The following MDGA2 variants were observed in gnomAD, a reference collection of about 807,000 sequenced individuals.
MDGA2 encodes MAM domain containing glycosylphosphatidylinositol anchor 2.
Under a neutral mutation model 117.8 loss-of-function variants are expected in MDGA2, and 40 were observed. The observed-to-expected ratio is 0.34, with a 90% CI of 0.26 to 0.44. The LOEUF (loss-of-function observed/expected upper bound fraction) is 0.44, where lower values mean the gene tolerates loss of function less well. Among genes scored for constraint, MDGA2 ranks in the 20% least tolerant of loss-of-function variants. The pLI is 1.00. For missense variants in MDGA2, 1,123 were observed against 1,250.6 expected (o/e 0.90, Z 1.54); for synonymous variants, 452 against 439.0 (o/e 1.03, Z -0.37).
rs553528389 is a variant in MDGA2 at position 47,565,069 on chromosome 14, G to T, written c.280+109448C>A. On this transcript the variant is annotated intron_variant, in intron 1 of 16. Transcript: ENST00000399232. ...GGGTTTCAACTCTTTCCTGGATGTTGATTATCTTTGCTCCTATCTGTATTC... is the reference window on the plus strand; with the variant it reads ...GGGTTTCAACTCTTTCCTGGATGTTTATTATCTTTGCTCCTATCTGTATTC... Among the ~76,000 whole-genome samples the T allele has an allele frequency of 4.0e-5, 6 of 151,874 alleles. No individual in the cohort carries two copies. The South Asian group carries it at 1.2e-3, about 32-fold the overall frequency.
chr14:47,419,074 C>T (rs2138502951), intron 1 of MDGA2, among the ~76,000 whole-genome samples: 1 of 152,230 alleles, frequency 6.6e-6, no homozygotes, highest in Admixed American at 6.5e-5. Flanking sequence ...CAACTCTGAG[C>T]AAGTCATTCA....
intron 1 of MDGA2, among the ~76,000 whole-genome samples, chr14:47,543,631 A>G (rs1895397249): frequency 6.6e-6 from 1 of 152,236 alleles, no homozygotes; most frequent in Admixed American, 6.5e-5. Context: ...CTTCAAATGA[A>G]TATACTCAGA....
intron 2 of MDGA2, among the ~76,000 whole-genome samples, chr14:47,280,140 C>T (rs1888429920): frequency 2.0e-5 from 3 of 151,670 alleles, no homozygotes; most frequent in Admixed American, 2.0e-4. Flanking sequence ...CATGGAGAAA[C>T]CCCGTCTCTA....
intron 8 of MDGA2, among the ~76,000 whole-genome samples, chr14:47,022,854 C>T (rs1888334390): frequency 6.6e-6 from 1 of 152,054 alleles, no homozygotes; most frequent in African/African-American, 2.4e-5. Flanking sequence ...GTAGGGAATG[C>T]TATTTGCCAG....
intron 1 of MDGA2, among the ~76,000 whole-genome samples, chr14:47,434,822 G>GT (rs1250307580): frequency 6.6e-6 from 1 of 152,104 alleles, no homozygotes; most frequent in Admixed American, 6.6e-5. Context: ...CAAGATGGTG[G>GT]TTTATAATGC....
intron 2 of MDGA2, among the ~76,000 whole-genome samples, chr14:47,270,123 G>A (rs1445779795): frequency 2.0e-5 from 3 of 152,158 alleles, no homozygotes; most frequent in Non-Finnish European, 2.9e-5. Flanking sequence ...TTAAGATGCT[G>A]TTTGAAGGAG....
intron 2 of MDGA2, among the ~76,000 whole-genome samples, chr14:47,271,472 T>C (rs1231288233): frequency 6.6e-6 from 1 of 152,158 alleles, no homozygotes; most frequent in Non-Finnish European, 1.5e-5. Context: ...ATATTCACTC[T>C]GCAGCAGAGA....
At chr14:47,206,408 G>A (rs1033859908) in intron 3 of MDGA2, among the ~76,000 whole-genome samples, 1 of 151,610 alleles carries the variant, frequency 6.6e-6, no homozygotes, top group African/African-American at 2.4e-5. Flanking sequence ...CTGGTTAACA[G>A]AGTGAGACCT....
chr14:47,109,528 C>T (rs1341951816), intron 5 of MDGA2, among the ~76,000 whole-genome samples: 1 of 151,996 alleles, frequency 6.6e-6, no homozygotes, highest in African/African-American at 2.4e-5. Context: ...ACCACCAGCA[C>T]CCAGAAGAGT....
chr14:47,564,348 G>T (rs963240563), intron 1 of MDGA2, among the ~76,000 whole-genome samples: 19 of 152,126 alleles, frequency 1.2e-4, no homozygotes, highest in African/African-American at 4.6e-4. Flanking sequence ...TGGGCAATTT[G>T]CTAAAGAAAG....
At chr14:47,581,703 C>T (rs78888358) in intron 1 of MDGA2, among the ~76,000 whole-genome samples, 2,353 of 152,006 alleles carry the variant, frequency 0.015, 53 homozygotes, top group East Asian at 0.12. Flanking sequence ...TTTGCTTCTT[C>T]GTGGAAAGAA....
In MDGA2 at chr14:47,009,061, G is replaced by T. The variant is rs145661334; in HGVS notation, c.1819+25950C>A. 6.9e-3 allele frequency among the ~76,000 whole-genome samples: 1,049 copies of T among 151,992 alleles called. 12 individuals are homozygous for T. Among genetic ancestry groups the T allele is most frequent in the African/African-American group, 0.024 (993 of 41,488 alleles). ...ATTTGTTCCTAGTGAGTATCACCAG[G>T]TTTACGATATTTAATTAAGCAGTGC... On this transcript the variant is annotated intron_variant, in intron 8 of 16. Transcript: ENST00000399232.
chr14:47,179,908 T>A (rs925442430), intron 3 of MDGA2, among the ~76,000 whole-genome samples: 2 of 152,186 alleles, frequency 1.3e-5, no homozygotes, highest in Non-Finnish European at 2.9e-5. Flanking sequence ...AATATCTTCT[T>A]AGTGACTGTT....
chr14:46,979,186 T>A (rs1358310160), intron 8 of MDGA2, among the ~76,000 whole-genome samples: 1 of 152,126 alleles, frequency 6.6e-6, no homozygotes, highest in Non-Finnish European at 1.5e-5. Flanking sequence ...TATTGTTATT[T>A]CTATTATTGT....
chr14:47,501,426 A>T lies in MDGA2; in HGVS notation c.280+173091T>A, dbSNP rs140919780. ...AGCAAATCAAGGAAACCTGAATAAG[A>T]ACTGGTATTAGATAGTGTTAAGGAT... On this transcript the variant is annotated intron_variant, in intron 1 of 16. Coordinates refer to ENST00000399232, the MANE Select transcript of MDGA2 (RefSeq NM_001113498.3). Among the ~76,000 whole-genome samples the T allele has an allele frequency of 7.9e-5, 12 of 152,318 alleles. No individual in the cohort carries two copies. The East Asian group carries it at 2.3e-3, about 29-fold the overall frequency.
intron 1 of MDGA2, among the ~76,000 whole-genome samples, chr14:47,635,484 T>C (rs1897307376): frequency 6.6e-6 from 1 of 152,120 alleles, no homozygotes. Flanking sequence ...GGGATAATTG[T>C]GCGAAAAAAA....
chr14:46,872,153 A>G (rs1048786253), intron 14 of MDGA2, among the ~76,000 whole-genome samples: 2 of 151,928 alleles, frequency 1.3e-5, no homozygotes, highest in Non-Finnish European at 2.9e-5. Flanking sequence ...CTCCACGGTA[A>G]AAGATGGACA....
At chr14:47,224,604 A>C (rs1886417321) in intron 2 of MDGA2, among the ~76,000 whole-genome samples, 1 of 152,190 alleles carries the variant, frequency 6.6e-6, no homozygotes, top group South Asian at 2.1e-4. Flanking sequence ...CAATGTGAGC[A>C]TTGTCCCAGC....
At chr14:46,975,999 G>A (rs534525085) in intron 8 of MDGA2, among the ~76,000 whole-genome samples, 2 of 152,062 alleles carry the variant, frequency 1.3e-5, no homozygotes, top group African/African-American at 4.8e-5. Flanking sequence ...AACCACGTTG[G>A]TGGTTTATTT....
Sources: gnomAD v4.1 joint callset for allele counts (sites outside exome capture counted in the v4.1 genomes callset) on GRCh38, gnomAD v4.1.1 for gene constraint, MANE v1.5 for transcripts, NCBI Gene and HGNC (gene_info 2026-07-23, HGNC 2026-07-21) for gene names.